The following FAM83B variants were observed in gnomAD, a reference collection of about 807,000 sequenced individuals.
The protein encoded by FAM83B is scaffolding CK1 anchoring protein B, also known as protein FAM83B.
FAM83B carries 26 observed loss-of-function variants against 38.8 expected under a neutral mutation model. The ratio of observed to expected loss-of-function variants is 0.67; its 90% CI spans 0.49 to 0.93. FAM83B has a LOEUF of 0.93. Ranked by LOEUF, FAM83B falls within the 40% of genes least tolerant of loss-of-function variation. FAM83B has a pLI of 0.00. For synonymous variants in FAM83B, 419 were observed against 423.1 expected (o/e 0.99, Z 0.12); for missense variants, 1,237 against 1,197.3 (o/e 1.03, Z -0.49).
intron 3 of FAM83B, among the ~76,000 whole-genome samples, chr6:54,926,941 G>A (rs1481183417): frequency 6.6e-6 from 1 of 151,998 alleles, no homozygotes; most frequent in East Asian, 1.9e-4. Context: ...CACCATCTTG[G>A]CCAGGCTGGT....
intron 2 of FAM83B, among the ~76,000 whole-genome samples, chr6:54,897,467 C>T (rs1381716649): frequency 6.6e-6 from 1 of 151,940 alleles, no homozygotes; most frequent in African/African-American, 2.4e-5. Flanking sequence ...GGAAATAAGG[C>T]CCTAAAATTT....
chr6:54,935,771 A>G lies in FAM83B; in HGVS notation c.735-3935A>G, dbSNP rs576473250. Among the ~76,000 whole-genome samples, 78 of 152,242 alleles carry G rather than the reference A, an allele frequency of 5.1e-4. 1 individual carries two copies. The Middle Eastern group carries it at 0.014, about 27-fold the overall frequency. On this transcript the variant is annotated intron_variant, in intron 4 of 4. Coordinates refer to ENST00000306858, the MANE Select transcript of FAM83B (RefSeq NM_001010872.3). ...AGCCGAAAATGCTAAGACTAGGGTG[A>G]TAGTGGGATAGGACTGATTTGTGAG...
intron 2 of FAM83B, among the ~76,000 whole-genome samples, chr6:54,870,986 C>T (rs1771840198): frequency 1.3e-5 from 2 of 152,158 alleles, no homozygotes; most frequent in South Asian, 4.1e-4. Context: ...TAAGATTACT[C>T]AACACTCATA....
chr6:54,864,443 C>G (rs184093866), intron 1 of FAM83B, among the ~76,000 whole-genome samples: 1,594 of 152,170 alleles, frequency 0.01, 19 homozygotes, highest in South Asian at 0.019. Context: ...CACCCAACAC[C>G]CTGTGACTGA....
At chr6:54,880,867 G>A (rs1161377437) in intron 2 of FAM83B, among the ~76,000 whole-genome samples, 1 of 152,038 alleles carries the variant, frequency 6.6e-6, no homozygotes, top group Non-Finnish European at 1.5e-5. Flanking sequence ...ATTGATGTTA[G>A]AAATTTTCTT....
chr6:54,913,287 C>T (rs1772956144), intron 2 of FAM83B, among the ~76,000 whole-genome samples: 2 of 152,074 alleles, frequency 1.3e-5, no homozygotes, highest in Admixed American at 1.3e-4. Flanking sequence ...TGTGGACTAT[C>T]AGTTTCTATT....
intron 1 of FAM83B, among the ~76,000 whole-genome samples, chr6:54,859,743 G>A (rs116047599): frequency 0.019 from 2,872 of 152,106 alleles, 49 homozygotes; most frequent in Non-Finnish European, 0.025. Context: ...TCCTTTATGG[G>A]TCTGTACCCA....
intron 1 of FAM83B, among the ~76,000 whole-genome samples, chr6:54,848,599 T>A (rs1388563777): frequency 6.6e-6 from 1 of 152,238 alleles, no homozygotes; most frequent in Non-Finnish European, 1.5e-5. Flanking sequence ...TTTTATTTCC[T>A]CTACCGTCCA....
intron 1 of FAM83B, among the ~76,000 whole-genome samples, chr6:54,865,571 G>A (rs1337218311): frequency 6.6e-6 from 1 of 152,184 alleles, no homozygotes; most frequent in African/African-American, 2.4e-5. Flanking sequence ...CAGCTTAAGA[G>A]AGAGACTGGA....
chr6:54,879,375 AC>A (rs1772072452), intron 2 of FAM83B, among the ~76,000 whole-genome samples: 1 of 152,214 alleles, frequency 6.6e-6, no homozygotes, highest in Non-Finnish European at 1.5e-5. Flanking sequence ...GAGATTATCT[AC>A]CCTGCTGAGA....
At chr6:54,886,233 C>T (rs1433045034) in intron 2 of FAM83B, among the ~76,000 whole-genome samples, 1 of 151,882 alleles carries the variant, frequency 6.6e-6, no homozygotes. Context: ...GAAATACTGG[C>T]TTGTAGTTTT....
Position 54,927,531 on chromosome 6 carries a change from A to G in FAM83B, c.633A>G (p.Lys211=), listed in dbSNP as rs1193540713. 2 of 1,606,580 alleles carry G rather than the reference A, an allele frequency of 1.2e-6. No homozygotes were observed. ...AGAATATTCGAGTGCGAACAGTAAA[A>G]GGCCAAGATTATCTTTCAAAAACAG... ...RLRNIRVRTV[K]GQDYLSKTGA... The change falls in exon 4 of 5, where the codon AAA becomes AAG. Residue 211 remains lysine, a synonymous_variant. Transcript: ENST00000306858.
At chr6:54,865,151 C>A (rs973205) in intron 1 of FAM83B, among the ~76,000 whole-genome samples, 63,865 of 152,082 alleles carry the variant, frequency 0.42, 14,442 homozygotes, top group Non-Finnish European at 0.51. Flanking sequence ...TGGCTTAAAA[C>A]AGCTGAATAT....
At position 54,944,354 on chromosome 6, in the gene FAM83B, T is replaced by G. The variant is rs1186039698; in HGVS notation, c.*2347T>G. Reference sequence around the variant, plus strand: ...TGATATTAAAGTTTGGTAATGCAGCTTTTACTGTCTACATGGTACTGTACA... The same window carrying G: ...TGATATTAAAGTTTGGTAATGCAGCGTTTACTGTCTACATGGTACTGTACA... On this transcript the variant is annotated 3_prime_UTR_variant, in exon 5 of 5. Coordinates refer to ENST00000306858, the MANE Select transcript of FAM83B (RefSeq NM_001010872.3). 6.6e-6 allele frequency: 1 copy of G among 152,154 alleles called. No individual in the cohort carries two copies. The highest frequency in any genetic ancestry group is 2.4e-5 in the African/African-American group (1 of 41,438). The allele number at this position is 152,154 out of a possible 1,614,324, so 9.4% of individuals were successfully genotyped here.
chr6:54,858,026 A>T (rs1321507457), intron 1 of FAM83B, among the ~76,000 whole-genome samples: 1 of 152,200 alleles, frequency 6.6e-6, no homozygotes, highest in Non-Finnish European at 1.5e-5. Context: ...CCAACTGGAT[A>T]TGTGAGTCTA....
rs1211738668 is a variant in FAM83B, at chr6:54,942,522, G to A, written c.*515G>A. Among the ~76,000 whole-genome samples, 1 of 151,656 alleles carries A rather than the reference G, an allele frequency of 6.6e-6. No homozygotes were observed. The highest frequency in any genetic ancestry group is 1.5e-5 in the Non-Finnish European group (1 of 67,998). ...TATTTTTTCTGTGGATCATTGTACA[G>A]CTGTTTGGGCAACAGCAGTACCTTT... On this transcript the variant is annotated 3_prime_UTR_variant, in exon 5 of 5. Coordinates refer to ENST00000306858, the MANE Select transcript of FAM83B (RefSeq NM_001010872.3).
chr6:54,927,006 T>C (rs1307027057), intron 3 of FAM83B, among the ~76,000 whole-genome samples: 1 of 152,156 alleles, frequency 6.6e-6, no homozygotes, highest in Admixed American at 6.5e-5. Flanking sequence ...GTGCTGGGAT[T>C]ACAGATGTGA....
intron 2 of FAM83B, among the ~76,000 whole-genome samples, chr6:54,876,278 C>CATATATAT (rs3996949): frequency 3.2e-4 from 31 of 96,184 alleles, no homozygotes; most frequent in African/African-American, 5.7e-4. Flanking sequence ...TTTAGGAGTG[C>CATATATAT]ATATATATAT....
chr6:54,912,945 C>T (rs988524488), intron 2 of FAM83B, among the ~76,000 whole-genome samples: 2 of 151,988 alleles, frequency 1.3e-5, no homozygotes, highest in African/African-American at 4.8e-5. Context: ...ACATTAAATA[C>T]AAAATTGCTA....
Sources: gnomAD v4.1 joint callset for allele counts (sites outside exome capture counted in the v4.1 genomes callset) on GRCh38, gnomAD v4.1.1 for gene constraint, MANE v1.5 for transcripts, NCBI Gene and HGNC (gene_info 2026-07-23, HGNC 2026-07-21) for gene names.